Variants in HFM1 observed in about 807,000 individuals in gnomAD.
The protein encoded by HFM1 is helicase for meiosis 1.
In HFM1, 169 loss-of-function variants were observed where a neutral mutation model predicts 192.1. The ratio of observed to expected loss-of-function variants is 0.88; its 90% CI spans 0.78 to 1.00. HFM1 has a LOEUF of 1.00. Ranked by LOEUF, HFM1 falls within the 50% of genes least tolerant of loss-of-function variation. The probability of loss-of-function intolerance (pLI) is 0.00; values close to 1 mark genes in which losing one functional copy is unlikely to be tolerated. For synonymous variants in HFM1, 525 were observed against 537.8 expected (o/e 0.98, Z 0.33); for missense variants, 1,661 against 1,668.0 (o/e 1.00, Z 0.07).
At chr1:91,274,986 T>TC (rs11369914) in intron 32 of HFM1, among the ~76,000 whole-genome samples, 177 bp from the exon 33 acceptor site, 1 of 6,358 alleles carries the variant, frequency 1.6e-4, no homozygotes, top group Non-Finnish European at 2.5e-4. Context: ...AATGTTGGCA[T>TC]TTTTTTTTTT....
intron 23 of HFM1, among the ~76,000 whole-genome samples, 168 bp from the exon 24 acceptor site, chr1:91,319,558 C>T (rs529592214): frequency 6.6e-6 from 1 of 152,194 alleles, no homozygotes; most frequent in South Asian, 2.1e-4. Flanking sequence ...AATAAAAGTT[C>T]ATTCCTTTTT....
intron 2 of HFM1, among the ~76,000 whole-genome samples, chr1:91,397,746 T>A (rs953283781): frequency 1.3e-5 from 2 of 152,210 alleles, no homozygotes; most frequent in Non-Finnish European, 2.9e-5. Flanking sequence ...CATGTAGTCC[T>A]ACTCACGGCT....
intron 30 of HFM1, among the ~76,000 whole-genome samples, chr1:91,297,797 C>G (rs1647904444): frequency 6.6e-6 from 1 of 152,144 alleles, no homozygotes; most frequent in African/African-American, 2.4e-5. Flanking sequence ...CTGTTCGTCA[C>G]CATCATCAAA....
chr1:91,329,363 T>A, intron 20 of HFM1: 7 of 1,596,394 alleles, frequency 4.4e-6, no homozygotes, highest in Non-Finnish European at 6.0e-6. Flanking sequence ...AGAGGCTGAG[T>A]AAGAGTCATT....
chr1:91,329,972 A>G (rs1653561294), intron 20 of HFM1, among the ~76,000 whole-genome samples: 4 of 152,210 alleles, frequency 2.6e-5, no homozygotes, highest in South Asian at 2.1e-4. Flanking sequence ...GCCATCAGGA[A>G]GGCGCATCTT....
At position 91,261,190 on chromosome 1, in the gene HFM1, A is replaced by C. The variant is rs1665123208; in HGVS notation, c.*100T>G. On this transcript the variant is annotated 3_prime_UTR_variant, in exon 39 of 39. Coordinates refer to ENST00000370425, the MANE Select transcript of HFM1 (RefSeq NM_001017975.6). ...AGCTAATCAAATACAGGAGAAAAAA[A>C]TCCGAACAATTATGAACTACTTTTT... The C allele has an allele frequency of 2.0e-6, 1 of 489,508 alleles. No homozygotes were observed. The highest frequency in any genetic ancestry group is 4.3e-5 in the Admixed American group (1 of 23,192). 30.3% of individuals were successfully genotyped at this position (489,508 alleles called of 1,614,324 possible).
At chr1:91,275,397 C>T (rs1346590421) in intron 32 of HFM1, among the ~76,000 whole-genome samples, 1 of 152,152 alleles carries the variant, frequency 6.6e-6, no homozygotes, top group African/African-American at 2.4e-5. Context: ...GTGAATGACT[C>T]TCAAATTTCT....
intron 16 of HFM1, among the ~76,000 whole-genome samples, chr1:91,352,099 A>C (rs567791987): frequency 1.3e-5 from 2 of 151,954 alleles, no homozygotes; most frequent in East Asian, 3.9e-4. Flanking sequence ...GACTTTTGTC[A>C]TAATTCCTGG....
At chr1:91,366,455 T>C (rs1659324284) in intron 13 of HFM1, among the ~76,000 whole-genome samples, 1 of 152,208 alleles carries the variant, frequency 6.6e-6, no homozygotes, top group African/African-American at 2.4e-5. Context: ...TCATCTAGTT[T>C]ATTCACCCAA....
At chr1:91,278,306 A>C (rs1049543638) in intron 30 of HFM1, among the ~76,000 whole-genome samples, 1 of 152,112 alleles carries the variant, frequency 6.6e-6, no homozygotes, top group Non-Finnish European at 1.5e-5. Flanking sequence ...TTTACTCTTA[A>C]TTTATTATAT....
intron 13 of HFM1, among the ~76,000 whole-genome samples, chr1:91,372,106 G>A (rs1660293601): frequency 6.6e-6 from 1 of 152,206 alleles, no homozygotes; most frequent in Non-Finnish European, 1.5e-5. Flanking sequence ...TGGAGAGGAT[G>A]TGGAGAAATA....
intron 21 of HFM1, 116 bp downstream of exon 21, chr1:91,324,559 C>T: frequency 1.6e-6 from 1 of 615,056 alleles, no homozygotes; most frequent in Admixed American, 3.1e-5. Flanking sequence ...CTTAGAAATG[C>T]TTTCTTTTCT....
intron 20 of HFM1, chr1:91,329,433 G>T: frequency 6.4e-7 from 1 of 1,572,100 alleles, no homozygotes; most frequent in Non-Finnish European, 8.7e-7. Flanking sequence ...ACTCTCTTCA[G>T]CTAAGTGCAA....
chr1:91,313,433 G>C lies in HFM1; in HGVS notation c.3307C>G (p.Gln1103Glu). The C allele has an allele frequency of 6.2e-7, 1 of 1,600,066 alleles. No homozygotes were observed. Among genetic ancestry groups the C allele is most frequent in the Non-Finnish European group, 8.5e-7 (1 of 1,170,870 alleles). Residue 1103 changes from glutamine to glutamate, a missense_variant, in exon 30 of 39, where the codon CAA (glutamine) becomes GAA (glutamate). Transcript: ENST00000370425. ...TCAGATTTTCTTTGCATAGTGATTT[G>C]ATTTCCAAACCTCTTGGGTTCTAAG... ...FYLEPKRFGN[Q>E]ITMQRKSETQ...
intron 30 of HFM1, among the ~76,000 whole-genome samples, chr1:91,280,398 T>C (rs902924983): frequency 6.6e-6 from 1 of 152,180 alleles, no homozygotes; most frequent in African/African-American, 2.4e-5. Context: ...ATAGTGGTAG[T>C]AAAGGCAGCC....
At position 91,316,492 on chromosome 1, in the gene HFM1, C is replaced by A; in HGVS notation, c.2813-16G>T. 4.2e-6 allele frequency: 5 copies of A among 1,198,870 alleles called. No homozygotes were observed. The highest frequency in any genetic ancestry group is 1.8e-5 in the South Asian group (1 of 55,916). 74.3% of individuals were successfully genotyped at this position (1,198,870 alleles called of 1,614,324 possible). A position where few individuals can be genotyped will look rare whatever the true frequency, so the allele number is the denominator to read the frequency against. On this transcript the variant is annotated splice_polypyrimidine_tract_variant and intron_variant, in intron 25 of 38. Transcript: ENST00000370425. ...AATGTTATACCTGTGGAAAATTAAT[C>A]AAACAACAACTTAAAAATAATGCAC...
intron 36 of HFM1, among the ~76,000 whole-genome samples, chr1:91,265,685 C>T (rs1333260212): frequency 6.6e-6 from 1 of 152,178 alleles, no homozygotes; most frequent in African/African-American, 2.4e-5. Context: ...ACCTGGAATG[C>T]CTATCTGCCT....
At chr1:91,310,654 A>G (rs952927104) in intron 30 of HFM1, among the ~76,000 whole-genome samples, 1 of 152,152 alleles carries the variant, frequency 6.6e-6, no homozygotes, top group Non-Finnish European at 1.5e-5. Context: ...TGAATCATGG[A>G]GGCTGGTCTT....
intron 23 of HFM1, 113 bp downstream of exon 23, chr1:91,322,837 C>G (rs1652332754): frequency 2.0e-6 from 1 of 498,454 alleles, no homozygotes; most frequent in African/African-American, 2.0e-5. Context: ...AAATTAATTT[C>G]ACATCCACAT....
Sources: gnomAD v4.1 joint callset for allele counts (sites outside exome capture counted in the v4.1 genomes callset) on GRCh38, gnomAD v4.1.1 for gene constraint, MANE v1.5 for transcripts, NCBI Gene and HGNC (gene_info 2026-07-23, HGNC 2026-07-21) for gene names.